UNC5C: variants seen among roughly 807,000 people sequenced by gnomAD.
UNC5C encodes the protein netrin receptor UNC5C.
UNC5C carries 47 observed loss-of-function variants against 99.8 expected under a neutral mutation model. The ratio of observed to expected loss-of-function variants is 0.47; its 90% CI spans 0.37 to 0.60. The LOEUF (loss-of-function observed/expected upper bound fraction) is 0.60. Among genes scored for constraint, UNC5C ranks in the 20% least tolerant of loss-of-function variants. The probability of loss-of-function intolerance (pLI) is 0.00; values close to 1 mark genes in which losing one functional copy is unlikely to be tolerated. For synonymous variants in UNC5C, 487 were observed against 452.2 expected (o/e 1.08, Z -0.98); for missense variants, 1,062 against 1,165.9 (o/e 0.91, Z 1.30).
At chr4:95,254,615 G>T (rs1159006983) in intron 4 of UNC5C, among the ~76,000 whole-genome samples, 1 of 152,106 alleles carries the variant, frequency 6.6e-6, no homozygotes, top group Non-Finnish European at 1.5e-5. Flanking sequence ...CTAAGGCTCT[G>T]CCCACCTATT....
At chr4:95,351,463 A>C (rs1206398336) in intron 1 of UNC5C, among the ~76,000 whole-genome samples, 3 of 152,110 alleles carry the variant, frequency 2.0e-5, no homozygotes, top group Admixed American at 6.6e-5. Flanking sequence ...TAAAACAGAA[A>C]TGTGCATATT....
At chr4:95,482,486 T>G (rs2149478401) in intron 1 of UNC5C, among the ~76,000 whole-genome samples, 1 of 149,158 alleles carries the variant, frequency 6.7e-6, no homozygotes, top group Non-Finnish European at 1.5e-5. Context: ...AAATACCATT[T>G]GACCCAGCCA....
chr4:95,362,991 C>T (rs1744442307), intron 1 of UNC5C, among the ~76,000 whole-genome samples: 2 of 151,730 alleles, frequency 1.3e-5, no homozygotes, highest in Non-Finnish European at 2.9e-5. Context: ...TAGGGGGCGC[C>T]GTTCATATTG....
At chr4:95,405,755 T>C (rs1745816147) in intron 1 of UNC5C, among the ~76,000 whole-genome samples, 1 of 152,218 alleles carries the variant, frequency 6.6e-6, no homozygotes, top group African/African-American at 2.4e-5. Context: ...GCTGCGTGCC[T>C]GAACTTCCCA....
intron 1 of UNC5C, among the ~76,000 whole-genome samples, chr4:95,479,574 T>C (rs1295349981): frequency 6.6e-6 from 1 of 151,932 alleles, no homozygotes. Flanking sequence ...CTGACAACTA[T>C]AGTACCCAGT....
At chr4:95,365,797 A>G (rs1235401158) in intron 1 of UNC5C, among the ~76,000 whole-genome samples, 1 of 152,174 alleles carries the variant, frequency 6.6e-6, no homozygotes, top group African/African-American at 2.4e-5. Flanking sequence ...GTTGTCTGGG[A>G]TGACTGATGA....
At position 95,219,260 on chromosome 4, in the gene UNC5C, G is replaced by A. The variant is rs1738375515; in HGVS notation, c.1354C>T (p.Pro452Ser). 1.2e-6 allele frequency: 2 copies of A among 1,614,158 alleles called. No individual in the cohort carries two copies. The highest frequency in any genetic ancestry group is 2.2e-5 in the East Asian group (1 of 44,888). ...LTSAAAMYRGPVYALHDVSDK... is the reference protein window; with the variant it reads ...LTSAAAMYRGSVYALHDVSDK... Reference sequence around the variant, plus strand: ...GAGACGTCATGCAGGGCATAGACAGGTCCTCTGTACATGGCTGCAGCTGAC... The same window carrying A: ...GAGACGTCATGCAGGGCATAGACAGATCCTCTGTACATGGCTGCAGCTGAC... Residue 452 changes from proline (P) to serine (S), a missense_variant, in exon 9 of 16, where the codon CCT becomes TCT. Coordinates refer to ENST00000453304, the MANE Select transcript of UNC5C (RefSeq NM_003728.4).
intron 2 of UNC5C, among the ~76,000 whole-genome samples, chr4:95,326,738 G>A (rs908755197): frequency 1.3e-5 from 2 of 152,088 alleles, no homozygotes; most frequent in African/African-American, 4.8e-5. Context: ...TCAGTGAGTA[G>A]AAATAATTAT....
rs569313685 is a variant in UNC5C, at chr4:95,338,642, T to C, written c.125-3011A>G. ...TGCTTAACACTAGAGATGAAACTCT[T>C]TGAAAGCAGGGACTATATTGATTTC... On this transcript the variant is annotated intron_variant, in intron 1 of 15. Coordinates refer to ENST00000453304, the MANE Select transcript of UNC5C (RefSeq NM_003728.4). Among the ~76,000 whole-genome samples the C allele has an allele frequency of 2.0e-5, 3 of 152,186 alleles. No homozygotes were observed. In the East Asian group the frequency reaches 5.8e-4, roughly 29 times the overall value.
intron 2 of UNC5C, among the ~76,000 whole-genome samples, chr4:95,303,004 C>G (rs781419334): frequency 2.6e-5 from 4 of 152,012 alleles, no homozygotes; most frequent in Non-Finnish European, 4.4e-5. Flanking sequence ...TATGAGTTAG[C>G]TTGGTTCAAT....
At chr4:95,529,774 A>G (rs4699429) in intron 1 of UNC5C, among the ~76,000 whole-genome samples, 52,280 of 151,994 alleles carry the variant, frequency 0.34, 10,710 homozygotes, top group East Asian at 0.53. Flanking sequence ...CCCTAGCGAG[A>G]ATTCAATTAC....
chr4:95,322,260 T>C (rs1054314590), intron 2 of UNC5C, among the ~76,000 whole-genome samples: 4 of 152,262 alleles, frequency 2.6e-5, no homozygotes, highest in Non-Finnish European at 4.4e-5. Flanking sequence ...GGTATATTTA[T>C]TGTATAAAGT....
At chr4:95,478,847 T>C (rs750017657) in intron 1 of UNC5C, among the ~76,000 whole-genome samples, 5 of 151,842 alleles carry the variant, frequency 3.3e-5, no homozygotes, top group Non-Finnish European at 7.4e-5. Context: ...GGATCTCTCA[T>C]CAATGGCTTG....
chr4:95,504,090 C>G (rs778672914), intron 1 of UNC5C, among the ~76,000 whole-genome samples: 12 of 152,122 alleles, frequency 7.9e-5, no homozygotes, highest in Non-Finnish European at 1.3e-4. Context: ...ATCTTAACTC[C>G]ACATATGTTA....
chr4:95,373,907 T>C (rs183776418), intron 1 of UNC5C, among the ~76,000 whole-genome samples: 173 of 152,322 alleles, frequency 1.1e-3, no homozygotes, highest in Non-Finnish European at 1.9e-3. Context: ...GTTATTTTGA[T>C]GACAATCTCT....
intron 1 of UNC5C, among the ~76,000 whole-genome samples, chr4:95,444,862 T>C (rs1210665757): frequency 6.6e-6 from 1 of 152,138 alleles, no homozygotes; most frequent in Non-Finnish European, 1.5e-5. Context: ...AAAAATTAAC[T>C]GAAATACCAT....
chr4:95,536,038 T>C (rs1292297144), intron 1 of UNC5C, among the ~76,000 whole-genome samples: 4 of 150,550 alleles, frequency 2.7e-5, no homozygotes, highest in African/African-American at 9.7e-5. Flanking sequence ...CTCTAATGTG[T>C]TGGCAGTCCA....
chr4:95,219,214 T>C lies in UNC5C; in HGVS notation c.1400A>G (p.Asn467Ser), dbSNP rs147587723. 80 of 1,614,014 alleles carry C rather than the reference T, an allele frequency of 5.0e-5. No homozygotes were observed. In the African/African-American group the frequency reaches 8.5e-4, roughly 17 times the overall value. The change falls in exon 9 of 16, where the codon AAC becomes AGC. Residue 467 changes from asparagine to serine, a missense_variant. Physicochemically the swap from Asn to Ser is conservative, Grantham distance 46. Coordinates refer to ENST00000453304, the MANE Select transcript of UNC5C (RefSeq NM_003728.4). Reference protein sequence around the residue: ...HDVSDKIPMTNSPILDPLPNL... With the variant: ...HDVSDKIPMTSSPILDPLPNL... The stretch of plus-strand genomic sequence containing the variant: ...GGGCAGTGGATCCAGAATTGGAGAG[T>C]TGGTCATTGGGATTTTGTCTGAGAC...
Position 95,332,421 on chromosome 4 carries a change from T to C in UNC5C, c.346+2989A>G, listed in dbSNP as rs973905718. 8.7e-4 allele frequency among the ~76,000 whole-genome samples: 128 copies of C among 146,582 alleles called. 2 individuals carry two copies. Among genetic ancestry groups the C allele is most frequent in the Admixed American group, 8.4e-3 (117 of 13,990 alleles). On this transcript the variant is annotated intron_variant, in intron 2 of 15. Transcript: ENST00000453304. ...GAGCCCTCAGAAATAATGCCACATATCTACAACTATCTGATCTTTGACAAA... is the reference window on the plus strand; with the variant it reads ...GAGCCCTCAGAAATAATGCCACATACCTACAACTATCTGATCTTTGACAAA...
Sources: gnomAD v4.1 joint callset for allele counts (sites outside exome capture counted in the v4.1 genomes callset) on GRCh38, gnomAD v4.1.1 for gene constraint, MANE v1.5 for transcripts, NCBI Gene and HGNC (gene_info 2026-07-23, HGNC 2026-07-21) for gene names.